WDR62: variants seen among roughly 807,000 people sequenced by gnomAD.
The protein encoded by WDR62 is WD repeat-containing protein 62.
WDR62 carries 112 observed loss-of-function variants against 160.6 expected under a neutral mutation model. The ratio of observed to expected loss-of-function variants is 0.70; its 90% CI spans 0.60 to 0.82. The LOEUF (loss-of-function observed/expected upper bound fraction) is 0.82, where lower values mean the gene tolerates loss of function less well. Ranked by LOEUF, WDR62 falls within the 40% of genes least tolerant of loss-of-function variation. The probability of loss-of-function intolerance (pLI) is 0.00; values close to 1 mark genes in which losing one functional copy is unlikely to be tolerated. For synonymous variants in WDR62, 792 were observed against 815.1 expected (o/e 0.97, Z 0.48); for missense variants, 1,819 against 1,983.8 (o/e 0.92, Z 1.58).
chr19:36,062,986 C>T (rs999785748), intron 3 of WDR62, among the ~76,000 whole-genome samples: 17 of 151,558 alleles, frequency 1.1e-4, no homozygotes, highest in Non-Finnish European at 1.0e-4. Flanking sequence ...GAGTCTCTGT[C>T]GTCAGGCTGG....
rs760551208 is a variant in WDR62, at chr19:36,102,961, T to G, written c.3349T>G (p.Phe1117Val). ...LQKASRFTHT[F>V]PPRATQCLVK... ...TCCTCCCCACAGGTTCACCCATACC[T>G]TCCCTCCCCGGGCAACCCAGTGCCT... Residue 1117 changes from phenylalanine to valine, a missense_variant, in exon 28 of 32, where the codon TTC becomes GTC. Phe to Val is a conservative substitution (Grantham distance 50). Around this residue, in one of 3 missense-constraint regions of WDR62, gnomAD observed 770 missense variants for 734.2 expected, o/e 1.05. Coordinates refer to ENST00000401500, the MANE Select transcript of WDR62 (RefSeq NM_001083961.2). The G allele has an allele frequency of 5.6e-6, 9 of 1,614,074 alleles. No homozygotes were observed. Among genetic ancestry groups the G allele is most frequent in the Non-Finnish European group, 7.6e-6 (9 of 1,180,018 alleles).
At chr19:36,061,951 T>TTC (rs1970671936) in intron 3 of WDR62, 1 of 151,854 alleles carries the variant, frequency 6.6e-6, no homozygotes, top group African/African-American at 2.4e-5. Flanking sequence ...TTTTTTTCTT[T>TTC]TTTTTTTTTG....
chr19:36,105,731 C>G (rs1376214789), downstream of WDR62, among the ~76,000 whole-genome samples: 2 of 152,038 alleles, frequency 1.3e-5, no homozygotes, highest in African/African-American at 4.8e-5. Context: ...TGGAATCTTG[C>G]TGTGTCATCC....
chr19:36,069,862 G>A (rs1392103329), intron 7 of WDR62, among the ~76,000 whole-genome samples: 1 of 152,152 alleles, frequency 6.6e-6, no homozygotes. Flanking sequence ...GTCAGGCGTG[G>A]CGGCGCGCGC....
intron 8 of WDR62, among the ~76,000 whole-genome samples, chr19:36,072,696 A>AG (rs1202358848): frequency 6.6e-6 from 1 of 152,100 alleles, no homozygotes; most frequent in African/African-American, 2.4e-5. Flanking sequence ...GAAGGAAAGG[A>AG]GGGGGCGAGC....
intron 7 of WDR62, 136 bp from the exon 8 acceptor site, chr19:36,071,420 A>T: frequency 1.0e-6 from 1 of 981,002 alleles, no homozygotes; most frequent in African/African-American, 1.6e-5. Flanking sequence ...ATCTTAAAAT[A>T]TGCTAAAATG....
At chr19:36,104,085 A>G (rs2145883050) in intron 30 of WDR62, 104 bp downstream of exon 30, 1 of 1,414,976 alleles carries the variant, frequency 7.1e-7, no homozygotes, top group Non-Finnish European at 9.8e-7. Context: ...GGACTGTGCC[A>G]TTCATTCATT....
intron 22 of WDR62, 144 bp downstream of exon 22, chr19:36,099,761 T>C: frequency 3.6e-6 from 3 of 844,378 alleles, no homozygotes; most frequent in Non-Finnish European, 3.8e-6. Context: ...CCCAGGTCTG[T>C]TGCACAGCAA....
chr19:36,067,693 G>A, intron 6 of WDR62, 135 bp from the exon 7 acceptor site: 1 of 1,115,714 alleles, frequency 9.0e-7, no homozygotes, highest in Admixed American at 2.0e-5. Context: ...CAGAGTGGCA[G>A]GGTTCTAGTG....
At chr19:36,109,749 ACAAAACAAAAAAAAT>A (rs1254232958), downstream of WDR62, among the ~76,000 whole-genome samples, 8 of 145,520 alleles carry the variant, frequency 5.5e-5, no homozygotes, top group African/African-American at 2.0e-4. Flanking sequence ...ACAAAACAAA[ACAAAACAAAAAAAAT>A]AAAAACAGGT....
In WDR62 at chr19:36,082,945, C is replaced by T. The variant is rs1038149702; in HGVS notation, c.1372-118C>T. On this transcript the variant is annotated intron_variant, in intron 10 of 31. Coordinates refer to ENST00000401500, the MANE Select transcript of WDR62 (RefSeq NM_001083961.2). ...GAAATAATTATTCTGATTGGTGAAA[C>T]TCCCAGCTCAAAATTAGAGTTGTAT... 7 of 860,324 alleles carry T rather than the reference C, an allele frequency of 8.1e-6. No homozygotes were observed. In the African/African-American group the frequency reaches 1.0e-4, roughly 12 times the overall value. 53.3% of individuals were successfully genotyped at this position (860,324 alleles called of 1,614,324 possible).
chr19:36,076,580 A>G (rs115289149), intron 9 of WDR62, among the ~76,000 whole-genome samples: 3,052 of 151,142 alleles, frequency 0.02, 98 homozygotes, highest in African/African-American at 0.071. Context: ...AAGAAAAAAG[A>G]GAAAGAGAAG....
the WDR62 span, chr19:36,111,086 A>C: frequency 5.2e-6 from 5 of 968,200 alleles, no homozygotes; most frequent in Non-Finnish European, 7.4e-6. Flanking sequence ...ATTTGCATGA[A>C]GAGAATGAGG....
downstream of WDR62, among the ~76,000 whole-genome samples, chr19:36,109,755 C>A (rs1332499317): frequency 1.1e-4 from 16 of 142,814 alleles, no homozygotes; most frequent in African/African-American, 3.2e-4. Flanking sequence ...CAAAACAAAA[C>A]AAAAAAAATA....
chr19:36,099,688 C>A, intron 22 of WDR62, 71 bp downstream of exon 22: 2 of 1,442,424 alleles, frequency 1.4e-6, no homozygotes, highest in Non-Finnish European at 1.9e-6. Context: ...GCGCCTTAGG[C>A]TGACTCCCAC....
At chr19:36,082,023 A>G (rs1401798224) in intron 10 of WDR62, 4 of 364,542 alleles carry the variant, frequency 1.1e-5, no homozygotes, top group South Asian at 4.1e-5. Flanking sequence ...AATTTTGGTT[A>G]GTATTGCAAG....
rs759133139 is a variant in WDR62, at chr19:36,073,360, G to A, written c.1062G>A (p.Lys354=). 1 of 1,614,150 alleles carries A rather than the reference G, an allele frequency of 6.2e-7. No individual in the cohort carries two copies. Among genetic ancestry groups the A allele is most frequent in the South Asian group, 1.1e-5 (1 of 91,074 alleles). ...GLEPSFLFHR[K]AEAVYPDTVA... ...TTGTTAGCTTCCTCTTCCACAGGAA[G>A]GCGGAAGCAGTCTACCCAGATACAG... Residue 354 remains lysine (K), a synonymous_variant, in exon 9 of 32, where the codon AAG becomes AAA. Coordinates refer to ENST00000401500, the MANE Select transcript of WDR62 (RefSeq NM_001083961.2).
At chr19:36,097,402 G>A (rs890831501) in intron 21 of WDR62, among the ~76,000 whole-genome samples, 1 of 152,200 alleles carries the variant, frequency 6.6e-6, no homozygotes, top group African/African-American at 2.4e-5. Context: ...GTGCTGTGGA[G>A]GGAAAAGAAT....
At chr19:36,087,662 C>CA (rs1330186682) in intron 13 of WDR62, among the ~76,000 whole-genome samples, 4 of 151,080 alleles carry the variant, frequency 2.6e-5, no homozygotes, top group Non-Finnish European at 4.4e-5. Flanking sequence ...ACTAAAAATT[C>CA]AAAAAAAGTA....
Sources: gnomAD v4.1 joint callset for allele counts (sites outside exome capture counted in the v4.1 genomes callset) on GRCh38, gnomAD v4.1.1 for gene constraint, gnomAD v4.1.1 regional missense constraint, MANE v1.5 for transcripts, NCBI Gene and HGNC (gene_info 2026-07-23, HGNC 2026-07-21) for gene names.